Variants in EZH2 observed in about 807,000 individuals in gnomAD.
EZH2 encodes the protein enhancer of zeste 2 polycomb repressive complex 2 subunit, also known as histone-lysine N-methyltransferase EZH2.
Under a neutral mutation model 98.4 loss-of-function variants are expected in EZH2, and 18 were observed. The ratio of observed to expected loss-of-function variants is 0.18; its 90% CI spans 0.13 to 0.27. The LOEUF (loss-of-function observed/expected upper bound fraction) is 0.27. Among genes scored for constraint, EZH2 ranks in the 10% least tolerant of loss-of-function variants. EZH2 has a pLI of 1.00. For missense variants in EZH2, 470 were observed against 935.1 expected (o/e 0.50, Z 6.49); for synonymous variants, 338 against 312.3 (o/e 1.08, Z -0.87).
chr7:148,819,709 G>A, intron 8 of EZH2, 22 bp from the exon 9 acceptor site: 1 of 1,595,598 alleles, frequency 6.3e-7, no homozygotes, highest in South Asian at 1.1e-5. Flanking sequence ...ATGAAACAAA[G>A]AATCTAATAT....
At chr7:148,823,717 C>T (rs939102802) in intron 8 of EZH2, among the ~76,000 whole-genome samples, 1 of 151,040 alleles carries the variant, frequency 6.6e-6, no homozygotes, top group Admixed American at 6.6e-5. Context: ...GTGGCATGAT[C>T]ATAGCTCACT....
intron 3 of EZH2, among the ~76,000 whole-genome samples, chr7:148,843,143 G>A (rs1812911226): frequency 6.6e-6 from 1 of 151,084 alleles, no homozygotes; most frequent in South Asian, 2.1e-4. Context: ...GGGAGGCAGA[G>A]GTTGCAGTGA....
Position 148,865,063 on chromosome 7 carries a change from G to A in EZH2, c.-7-17758C>T, listed in dbSNP as rs577744076. On this transcript the variant is annotated intron_variant, in intron 1 of 19. Coordinates refer to ENST00000320356, the MANE Select transcript of EZH2 (RefSeq NM_004456.5). ...AATCGCTTGAACCTAGGAGGCAGAG[G>A]ATGCGTTAAGCTGAGATCGCGCCAC... 2.0e-5 allele frequency among the ~76,000 whole-genome samples: 3 copies of A among 151,342 alleles called. No individual in the cohort carries two copies. In the South Asian group the frequency reaches 6.3e-4, roughly 32 times the overall value.
Position 148,811,606 on chromosome 7 carries a change from C to A in EZH2, c.1947+19G>T, listed in dbSNP as rs374931827. 6.3e-7 allele frequency: 1 copy of A among 1,595,650 alleles called. No individual in the cohort carries two copies. The highest frequency in any genetic ancestry group is 8.6e-7 in the Non-Finnish European group (1 of 1,164,170). ...TAGTATATACAATGCCACCTGAATA[C>A]AGGTTATCAGTGCCTTACCTCTCCA... On this transcript the variant is annotated intron_variant, in intron 16 of 19. Transcript: ENST00000320356.
At position 148,826,647 on chromosome 7, in the gene EZH2, G is replaced by A. The variant is rs373592404; in HGVS notation, c.729-15C>T. The stretch of plus-strand genomic sequence containing the variant: ...GTTCTTTATATCTGACATTAACCAA[G>A]AAAAATTTAAGTAAACATGAAACAA... On this transcript the variant is annotated splice_polypyrimidine_tract_variant and intron_variant, in intron 7 of 19. Coordinates refer to ENST00000320356, the MANE Select transcript of EZH2 (RefSeq NM_004456.5). 233 of 1,445,452 alleles carry A rather than the reference G, an allele frequency of 1.6e-4. No individual in the cohort carries two copies. The highest frequency in any genetic ancestry group is 2.1e-4 in the Non-Finnish European group (226 of 1,090,410). The allele number at this position is 1,445,452 out of a possible 1,614,324, so 89.5% of individuals were successfully genotyped here.
chr7:148,823,652 CTT>C (rs548755331), intron 8 of EZH2, among the ~76,000 whole-genome samples: 25 of 141,560 alleles, frequency 1.8e-4, no homozygotes, highest in Non-Finnish European at 1.7e-4. Context: ...CATTTTCATA[CTT>C]TTTTTTTTTT....
rs1360070660 is a variant in EZH2 at position 148,818,112 on chromosome 7, T to C, written c.1005A>G (p.Gly335=). The C allele has an allele frequency of 5.7e-6, 9 of 1,566,896 alleles. No homozygotes were observed. Among genetic ancestry groups the C allele is most frequent in the Non-Finnish European group, 7.8e-6 (9 of 1,159,916 alleles). Residue 335 remains glycine, a synonymous_variant, in exon 10 of 20, where the codon GGA becomes GGG. Coordinates refer to ENST00000320356, the MANE Select transcript of EZH2 (RefSeq NM_004456.5). ...CGPQCYQHLE[G]AKEFAAALTA... ...TGAGAGCAGCAGCAAACTCCTTTGC[T>C]CCCTCCTACGAAATGAAAAATGTCA...
intron 3 of EZH2, among the ~76,000 whole-genome samples, chr7:148,834,304 AAAG>A (rs1403120493): frequency 1.3e-5 from 2 of 151,964 alleles, no homozygotes; most frequent in Non-Finnish European, 2.9e-5. Flanking sequence ...ATAGAGCAAA[AAAG>A]AAGTGTAGTA....
chr7:148,844,755 C>T (rs1029669198), intron 3 of EZH2, among the ~76,000 whole-genome samples: 1 of 152,150 alleles, frequency 6.6e-6, no homozygotes, highest in African/African-American at 2.4e-5. Flanking sequence ...AAGAAAATTT[C>T]AATTAGTAAA....
intron 1 of EZH2, among the ~76,000 whole-genome samples, chr7:148,871,288 T>A (rs2129491748): frequency 6.6e-6 from 1 of 151,272 alleles, no homozygotes; most frequent in East Asian, 1.9e-4. Flanking sequence ...AGTACTGAGG[T>A]TACTCAAAAC....
chr7:148,880,925 CAT>C (rs1820862292), intron 1 of EZH2, among the ~76,000 whole-genome samples: 1 of 152,184 alleles, frequency 6.6e-6, no homozygotes, highest in Admixed American at 6.5e-5. Context: ...ACAATTGAGT[CAT>C]GCTACAATAA....
At chr7:148,871,437 A>G (rs374863917) in intron 1 of EZH2, among the ~76,000 whole-genome samples, 1 of 150,846 alleles carries the variant, frequency 6.6e-6, no homozygotes, top group Non-Finnish European at 1.5e-5. Flanking sequence ...AAGAGGAAGA[A>G]TAAGACTGGT....
intron 3 of EZH2, among the ~76,000 whole-genome samples, chr7:148,841,570 C>T (rs1022173292): frequency 6.6e-6 from 1 of 152,156 alleles, no homozygotes; most frequent in Non-Finnish European, 1.5e-5. Flanking sequence ...GCCATATTTG[C>T]TCAAAAGGTT....
At chr7:148,845,792 C>T (rs1197111638) in intron 3 of EZH2, among the ~76,000 whole-genome samples, 1 of 152,190 alleles carries the variant, frequency 6.6e-6, no homozygotes, top group Non-Finnish European at 1.5e-5. Flanking sequence ...TATCCTATGC[C>T]ATGTCTTTCT....
chr7:148,831,181 T>G (rs1809286744), intron 4 of EZH2, among the ~76,000 whole-genome samples: 1 of 151,894 alleles, frequency 6.6e-6, no homozygotes, highest in Non-Finnish European at 1.5e-5. Context: ...TTAGGACAAC[T>G]GGAGAGTTCA....
chr7:148,873,731 A>T (rs992106682), intron 1 of EZH2, among the ~76,000 whole-genome samples: 9 of 151,828 alleles, frequency 5.9e-5, no homozygotes, highest in African/African-American at 1.9e-4. Context: ...TTGCTTACAG[A>T]AGAGAGGTCT....
Position 148,873,557 on chromosome 7 carries a change from A to ATTT in EZH2, c.-8+10604_-8+10606dup, listed in dbSNP as rs58553084. 7.0e-4 allele frequency among the ~76,000 whole-genome samples: 56 copies of ATTT among 79,944 alleles called. 2 individuals carry two copies. Among genetic ancestry groups the ATTT allele is most frequent in the African/African-American group, 1.9e-3 (38 of 19,974 alleles). The allele number at this position is 79,944 out of a possible 152,430, so 52.4% of individuals were successfully genotyped here. A position where few individuals can be genotyped will look rare whatever the true frequency, so the allele number is the denominator to read the frequency against. On this transcript the variant is annotated intron_variant, in intron 1 of 19. Coordinates refer to ENST00000320356, the MANE Select transcript of EZH2 (RefSeq NM_004456.5). The stretch of plus-strand genomic sequence containing the variant: ...TTTGCAGAATCATTTCATGCTCTTC[A>ATTT]TTTTTTTTTTTTTTTTTTTTTTTTG...
chr7:148,865,466 G>A (rs1487877299), intron 1 of EZH2, among the ~76,000 whole-genome samples: 1 of 152,200 alleles, frequency 6.6e-6, no homozygotes, highest in African/African-American at 2.4e-5. Context: ...CAGGTGACAT[G>A]AATCTGCTGT....
intron 1 of EZH2, among the ~76,000 whole-genome samples, chr7:148,868,111 C>T (rs934745968): frequency 1.3e-5 from 2 of 152,170 alleles, no homozygotes; most frequent in East Asian, 3.8e-4. Context: ...TTGTTCTGAG[C>T]CCTCCAAACT....
Sources: allele counts gnomAD v4.1 joint callset (sites outside exome capture counted in the v4.1 genomes callset), GRCh38; gene constraint gnomAD v4.1.1; transcripts MANE v1.5; gene names NCBI Gene and HGNC (gene_info 2026-07-23, HGNC 2026-07-21).